The following PFKFB3 variants were observed in gnomAD, a reference collection of about 807,000 sequenced individuals.
PFKFB3 encodes 6-phosphofructo-2-kinase/fructose-2,6-bisphosphatase 3.
In PFKFB3, 33 loss-of-function variants were observed where a neutral mutation model predicts 68.0. The observed-to-expected ratio is 0.49, with a 90% confidence interval of 0.37 to 0.65. PFKFB3 has a LOEUF of 0.65. PFKFB3 is among the 30% of genes least tolerant of loss of function. The pLI is 0.00. For synonymous variants in PFKFB3, 315 were observed against 288.2 expected (o/e 1.09, Z -0.94); for missense variants, 586 against 712.2 (o/e 0.82, Z 2.02).
At chr10:6,271,693 C>T in the PFKFB3 span, among the ~76,000 whole-genome samples, 1 of 152,260 alleles carries the variant, frequency 6.6e-6, no homozygotes, top group East Asian at 1.9e-4. Context: ...GTACCTCAGA[C>T]CTTTGATAAA....
the PFKFB3 span, among the ~76,000 whole-genome samples, chr10:6,260,460 G>C: frequency 1.3e-5 from 2 of 149,522 alleles, no homozygotes; most frequent in African/African-American, 5.0e-5. Flanking sequence ...CCAGCATCCA[G>C]AAGGCTCCTT....
At chr10:6,310,471 GA>G in the PFKFB3 span, among the ~76,000 whole-genome samples, 18,193 of 150,622 alleles carry the variant, frequency 0.12, 1,201 homozygotes, top group East Asian at 0.22. Context: ...AAAGATATTC[GA>G]AAAAAAAAGT....
chr10:6,324,528 G>A, the PFKFB3 span, among the ~76,000 whole-genome samples: 38 of 152,248 alleles, frequency 2.5e-4, no homozygotes, highest in South Asian at 6.9e-3. Flanking sequence ...CCGGGTTTGG[G>A]TGGTTTGCCT....
downstream of PFKFB3, among the ~76,000 whole-genome samples, chr10:6,238,929 A>G (rs1344486779): frequency 6.6e-6 from 1 of 152,122 alleles, no homozygotes; most frequent in Non-Finnish European, 1.5e-5. Flanking sequence ...ATAGTATTCC[A>G]TGGTGTGTAT....
intron 1 of PFKFB3, among the ~76,000 whole-genome samples, chr10:6,178,352 T>G (rs1842593704): frequency 6.6e-6 from 1 of 151,602 alleles, no homozygotes; most frequent in Non-Finnish European, 1.5e-5. Flanking sequence ...GAAACAAAAA[T>G]GCCCTGTCCT....
At chr10:6,152,918 G>A (rs189474762) in intron 1 of PFKFB3, among the ~76,000 whole-genome samples, 5 of 151,840 alleles carry the variant, frequency 3.3e-5, no homozygotes, top group Admixed American at 2.6e-4. Context: ...GGTGGCTCAC[G>A]CCTGTAATCC....
Position 6,226,333 on chromosome 10 carries a change from C to A in PFKFB3, c.1483C>A (p.Pro495Thr), listed in dbSNP as rs61731874. 1.4e-5 allele frequency: 23 copies of A among 1,613,414 alleles called. No homozygotes were observed. The highest frequency in any genetic ancestry group is 1.7e-4 in the Middle Eastern group (1 of 6,060). The change falls in exon 14 of 15, where the codon CCC (proline) becomes ACC (threonine). Residue 495 changes from proline to threonine, a missense_variant. Physicochemically the swap from Pro to Thr is conservative, Grantham distance 38. Transcript: ENST00000379775. ...CTCGGCCGCCCTGCCCAGCTGCCTG[C>A]CCCCGGAGGTGCCCACGCAGCTGCC... is the stretch of plus-strand genomic sequence containing the variant. ...STSAALPSCL[P>T]PEVPTQLPGQ...
chr10:6,192,664 CGTGTGTGTGTGTGTGTGT>C (rs34129264), intron 1 of PFKFB3, among the ~76,000 whole-genome samples: 35 of 128,878 alleles, frequency 2.7e-4, no homozygotes, highest in African/African-American at 6.5e-4. Context: ...TCCCCTCACC[CGTGTGTGTGTGTGTGTGT>C]GTGTGTGTGT....
the PFKFB3 span, among the ~76,000 whole-genome samples, chr10:6,280,484 T>A: frequency 6.6e-6 from 1 of 152,210 alleles, no homozygotes; most frequent in Non-Finnish European, 1.5e-5. Flanking sequence ...ATATCCTGTG[T>A]TCCTCATCCT....
upstream of PFKFB3, among the ~76,000 whole-genome samples, chr10:6,200,667 GGGGGGGGGCGGGGGGTGGTGGT>G (rs1477345292): frequency 4.9e-5 from 4 of 81,728 alleles, no homozygotes; most frequent in Admixed American, 1.2e-4. Flanking sequence ...AGCGGGGGGG[GGGGGGGGGCGGGGGGTGGTGGT>G]GGGGCGGGGA....
At chr10:6,259,504 A>G (rs1846520659), downstream of PFKFB3, among the ~76,000 whole-genome samples, 2 of 150,324 alleles carry the variant, frequency 1.3e-5, no homozygotes, top group Admixed American at 6.6e-5. Flanking sequence ...TCATCAGCCC[A>G]TAATTCCATT....
At chr10:6,269,863 G>A in the PFKFB3 span, among the ~76,000 whole-genome samples, 2 of 152,098 alleles carry the variant, frequency 1.3e-5, no homozygotes, top group Non-Finnish European at 2.9e-5. Flanking sequence ...AGGTGTGGTG[G>A]CTCACGCTTG....
rs766629943 is a variant in PFKFB3, at chr10:6,171,486, C to T, written c.16+26473C>T. On this transcript the variant is annotated intron_variant, in intron 1 of 14. Transcript: ENST00000379789. ...TCTTGGCTCACTGCAGTCTCAACCT[C>T]CTGGGCTCAAGGAATCCTCCCGGCT... 2.0e-5 allele frequency among the ~76,000 whole-genome samples: 3 copies of T among 151,646 alleles called. No individual in the cohort carries two copies. In the East Asian group the frequency reaches 5.8e-4, roughly 29 times the overall value.
At chr10:6,153,616 G>A (rs1841668789) in intron 1 of PFKFB3, among the ~76,000 whole-genome samples, 1 of 152,220 alleles carries the variant, frequency 6.6e-6, no homozygotes. Flanking sequence ...CATTTTGGGA[G>A]GCCGAGGCAG....
At chr10:6,189,640 G>C (rs773477280) in intron 1 of PFKFB3, among the ~76,000 whole-genome samples, 4 of 151,262 alleles carry the variant, frequency 2.6e-5, no homozygotes, top group African/African-American at 9.7e-5. Flanking sequence ...TCAGCCTCCC[G>C]AGTAGCTGGG....
chr10:6,214,461 C>A (rs1230417716), intron 2 of PFKFB3, among the ~76,000 whole-genome samples: 1 of 151,786 alleles, frequency 6.6e-6, no homozygotes, highest in Non-Finnish European at 1.5e-5. Context: ...ATTTAAGAAT[C>A]TCTGCTTGGT....
chr10:6,219,045 A>G (rs1374537738), intron 6 of PFKFB3, among the ~76,000 whole-genome samples: 1 of 152,200 alleles, frequency 6.6e-6, no homozygotes, highest in African/African-American at 2.4e-5. Context: ...CCTGCAAAGG[A>G]GCCGGCACAG....
chr10:6,274,459 A>C, the PFKFB3 span, among the ~76,000 whole-genome samples: 2 of 152,264 alleles, frequency 1.3e-5, no homozygotes, highest in East Asian at 1.9e-4. Context: ...CGATGTAGAA[A>C]TATATGTACC....
intron 1 of PFKFB3, among the ~76,000 whole-genome samples, chr10:6,172,666 T>G (rs1163209249): frequency 6.6e-6 from 1 of 151,658 alleles, no homozygotes; most frequent in African/African-American, 2.4e-5. Flanking sequence ...TACAAAAAAT[T>G]AAAACATTAG....
Sources: gnomAD v4.1 joint callset for allele counts (sites outside exome capture counted in the v4.1 genomes callset) on GRCh38, gnomAD v4.1.1 for gene constraint, MANE v1.5 for transcripts, NCBI Gene and HGNC (gene_info 2026-07-23, HGNC 2026-07-21) for gene names.